Variants in ACACB observed in about 807,000 individuals in gnomAD.
ACACB encodes the protein acetyl-CoA carboxylase beta, also known as acetyl-CoA carboxylase 2.
ACACB carries 209 observed loss-of-function variants against 278.8 expected under a neutral mutation model. The ratio of observed to expected loss-of-function variants is 0.75; its 90% CI spans 0.67 to 0.84. ACACB has a LOEUF of 0.84. Ranked by LOEUF, ACACB falls within the 40% of genes least tolerant of loss-of-function variation. The probability of loss-of-function intolerance (pLI) is 0.00; values close to 1 mark genes in which losing one functional copy is unlikely to be tolerated. For missense variants in ACACB, 2,850 were observed against 3,269.0 expected (o/e 0.87, Z 3.13); for synonymous variants, 1,174 against 1,285.6 (o/e 0.91, Z 1.86).
At chr12:109,206,471 T>C (rs1831283421) in intron 19 of ACACB, among the ~76,000 whole-genome samples, 1 of 145,806 alleles carries the variant, frequency 6.9e-6, no homozygotes, top group Non-Finnish European at 1.5e-5. Context: ...CCCACAAAAC[T>C]GTCTGGGGTG....
intron 29 of ACACB, 117 bp from the exon 30 acceptor site, chr12:109,233,630 AG>A: frequency 1.2e-6 from 1 of 812,218 alleles, no homozygotes; most frequent in East Asian, 2.6e-5. Flanking sequence ...ATAAGATCAA[AG>A]GGTGTTGGCT....
At chr12:109,168,982 A>T (rs1028059742) in intron 4 of ACACB, among the ~76,000 whole-genome samples, 8 of 151,980 alleles carry the variant, frequency 5.3e-5, no homozygotes, top group Non-Finnish European at 8.8e-5. Flanking sequence ...TCTACTAAAA[A>T]TACCTCCCAA....
chr12:109,142,017 G>A (rs987285523), intron 2 of ACACB, among the ~76,000 whole-genome samples: 1 of 152,136 alleles, frequency 6.6e-6, no homozygotes, highest in African/African-American at 2.4e-5. Context: ...GGAGGATGAG[G>A]CAGGAGGATC....
At chr12:109,138,381 A>G (rs770036191) in intron 1 of ACACB, among the ~76,000 whole-genome samples, 1 of 152,290 alleles carries the variant, frequency 6.6e-6, no homozygotes, top group Non-Finnish European at 1.5e-5. Flanking sequence ...AACAGAAAAC[A>G]GTCTCCCGAG....
chr12:109,196,116 C>T (rs1169796250), intron 16 of ACACB, among the ~76,000 whole-genome samples: 2 of 152,030 alleles, frequency 1.3e-5, no homozygotes, highest in Non-Finnish European at 2.9e-5. Context: ...TGTGTGTTTT[C>T]TGAGAGAAAA....
chr12:109,258,700 G>A (rs767450300), intron 46 of ACACB, among the ~76,000 whole-genome samples: 9 of 152,318 alleles, frequency 5.9e-5, no homozygotes, highest in African/African-American at 1.2e-4. Flanking sequence ...TTCCAGGGCC[G>A]GCTTTACCCC....
intron 1 of ACACB, among the ~76,000 whole-genome samples, chr12:109,117,200 A>G (rs969399398): frequency 2.3e-4 from 35 of 150,834 alleles, no homozygotes; most frequent in African/African-American, 7.8e-4. Context: ...TCTGTACTAA[A>G]CACATAAAAA....
chr12:109,223,015 G>T, intron 26 of ACACB, 103 bp downstream of exon 26: 1 of 906,432 alleles, frequency 1.1e-6, no homozygotes, highest in South Asian at 1.5e-5. Context: ...TGCTCAGTGG[G>T]GTGCAGGGCA....
chr12:109,222,498 T>TC lies in ACACB; in HGVS notation c.3565-5dup. ...AAAAGCCATTTGGCTTCTTTTTCTG[T>TC]CCCCTAAGGATGAGCTGTGTGGCCC... On this transcript the variant is annotated splice_polypyrimidine_tract_variant and intron_variant, in intron 24 of 52. Transcript: ENST00000338432. 1 of 1,613,400 alleles carries TC rather than the reference T, an allele frequency of 6.2e-7. No homozygotes were observed. Among genetic ancestry groups the TC allele is most frequent in the Non-Finnish European group, 8.5e-7 (1 of 1,179,424 alleles).
rs374342222 is a variant in ACACB, at chr12:109,264,378, G to A, written c.6934G>A (p.Val2312Ile). ...DTPGRMLEKG[V>I]ISDILEWKTA... ...ACCCGGCCGGATGCTGGAGAAGGGCGTCATATCTGTGAGAGCCACAGCTGC... is the reference window on the plus strand; with the variant it reads ...ACCCGGCCGGATGCTGGAGAAGGGCATCATATCTGTGAGAGCCACAGCTGC... The change falls in exon 50 of 53, where the codon GTC (valine) becomes ATC (isoleucine). Residue 2312 changes from valine to isoleucine, a missense_variant. By Grantham distance (29) the Val-to-Ile change is conservative. Coordinates refer to ENST00000338432, the MANE Select transcript of ACACB (RefSeq NM_001093.4). The A allele has an allele frequency of 6.2e-6, 10 of 1,613,262 alleles. No individual in the cohort carries two copies. The highest frequency in any genetic ancestry group is 1.6e-4 in the Middle Eastern group (1 of 6,080).
rs1218085765 is a variant in ACACB, at chr12:109,246,110, AAAAT to A, written c.5302-65_5302-62del. 3 of 1,504,512 alleles carry A rather than the reference AAAAT, an allele frequency of 2.0e-6. No individual in the cohort carries two copies. In the East Asian group the frequency reaches 6.9e-5, roughly 34 times the overall value. The allele number at this position is 1,504,512 out of a possible 1,614,324, so 93.2% of individuals were successfully genotyped here. ...GTATCTAAAAAAAATAATAATAACTAAAATAAAATAAAAAGTTTTCCCCCAAAGA... is the reference window on the plus strand; with the variant it reads ...GTATCTAAAAAAAATAATAATAACTAAAAATAAAAAGTTTTCCCCCAAAGA... On this transcript the variant is annotated intron_variant, in intron 38 of 52. Coordinates refer to ENST00000338432, the MANE Select transcript of ACACB (RefSeq NM_001093.4).
rs1013579213 is a variant in ACACB at position 109,246,453 on chromosome 12, G to A, written c.5571+5G>A. ...GACCCAGAAGACCCCCACAAAGTAC[G>A]TCGTGAAACTGGCGGGGCAGGGTGA... is the stretch of plus-strand genomic sequence containing the variant. On this transcript the variant is annotated splice_donor_5th_base_variant and intron_variant, in intron 39 of 52. Coordinates refer to ENST00000338432, the MANE Select transcript of ACACB (RefSeq NM_001093.4). 9 of 1,606,528 alleles carry A rather than the reference G, an allele frequency of 5.6e-6. No individual in the cohort carries two copies. The highest frequency in any genetic ancestry group is 4.0e-5 in the African/African-American group (3 of 74,716).
chr12:109,142,344 G>A (rs1205200619), intron 2 of ACACB, among the ~76,000 whole-genome samples: 6 of 152,076 alleles, frequency 3.9e-5, no homozygotes, highest in African/African-American at 7.2e-5. Context: ...CAAAATAGTC[G>A]TGAAGATTAA....
chr12:109,185,593 G>A lies in ACACB; in HGVS notation c.1833G>A (p.Val611=), dbSNP rs1298726692. Residue 611 remains valine (V), a synonymous_variant, in exon 12 of 53, where the codon GTG becomes GTA. Coordinates refer to ENST00000338432, the MANE Select transcript of ACACB (RefSeq NM_001093.4). ...PAAQLQIAMG[V]PLHRLKDIRL... ...CTTGATTTTAGATCGCCATGGGCGTGCCACTGCACCGGCTGAAGGATATCC... is the reference window on the plus strand; with the variant it reads ...CTTGATTTTAGATCGCCATGGGCGTACCACTGCACCGGCTGAAGGATATCC... The A allele has an allele frequency of 6.2e-7, 1 of 1,613,880 alleles. No homozygotes were observed. The highest frequency in any genetic ancestry group is 8.5e-7 in the Non-Finnish European group (1 of 1,180,010).
At chr12:109,122,950 A>G (rs111944188) in intron 1 of ACACB, among the ~76,000 whole-genome samples, 5 of 152,036 alleles carry the variant, frequency 3.3e-5, no homozygotes, top group Admixed American at 1.3e-4. Context: ...TGGGGGCCAA[A>G]GTGGGCGGAT....
At chr12:109,162,122 G>A (rs1461617975) in intron 2 of ACACB, among the ~76,000 whole-genome samples, 5 of 152,126 alleles carry the variant, frequency 3.3e-5, no homozygotes, top group East Asian at 1.9e-4. Context: ...GACTACAGGC[G>A]TGCGCCACCA....
At chr12:109,242,172 C>T (rs937487480) in intron 36 of ACACB, 3 of 390,934 alleles carry the variant, frequency 7.7e-6, no homozygotes, top group Non-Finnish European at 1.4e-5. Flanking sequence ...CCAGCGTTTC[C>T]ATGCATGCCT....
At position 109,213,816 on chromosome 12, in the gene ACACB, G is replaced by A. The variant is rs535073656; in HGVS notation, c.3350+880G>A. 2.4e-4 allele frequency among the ~76,000 whole-genome samples: 37 copies of A among 151,806 alleles called. 1 individual carries two copies. The South Asian group carries it at 7.3e-3, about 30-fold the overall frequency. On this transcript the variant is annotated intron_variant, in intron 22 of 52. Coordinates refer to ENST00000338432, the MANE Select transcript of ACACB (RefSeq NM_001093.4). ...GGAGTTTCATCATGTTAGCCAGGATGGTCTCAATCTCCTGACCTCGTGATC... is the reference window on the plus strand; with the variant it reads ...GGAGTTTCATCATGTTAGCCAGGATAGTCTCAATCTCCTGACCTCGTGATC...
intron 12 of ACACB, among the ~76,000 whole-genome samples, chr12:109,186,494 A>T (rs2044667441): frequency 6.6e-6 from 1 of 152,176 alleles, no homozygotes; most frequent in Non-Finnish European, 1.5e-5. Flanking sequence ...TTTTTGCTAC[A>T]GTATGAAGTC....
Sources: gnomAD v4.1 joint callset for allele counts (sites outside exome capture counted in the v4.1 genomes callset) on GRCh38, gnomAD v4.1.1 for gene constraint, MANE v1.5 for transcripts, NCBI Gene and HGNC (gene_info 2026-07-23, HGNC 2026-07-21) for gene names.